The following TFAP2D variants were observed in gnomAD, a reference collection of about 807,000 sequenced individuals.
TFAP2D encodes the protein transcription factor AP-2 delta, also known as transcription factor AP-2-delta.
TFAP2D carries 9 observed loss-of-function variants against 43.6 expected under a neutral mutation model. That is an observed-to-expected ratio of 0.21 (90% CI 0.12 to 0.36). TFAP2D has a LOEUF of 0.36. Among genes scored for constraint, TFAP2D ranks in the 10% least tolerant of loss-of-function variants. The pLI is 1.00. For synonymous variants in TFAP2D, 256 were observed against 224.9 expected, an observed-to-expected ratio of 1.14 and a Z score of -1.24; for missense variants, 513 against 561.4, an observed-to-expected ratio of 0.91 and a Z score of 0.87.
chr6:50,767,944 T>C (rs944610249), intron 7 of TFAP2D, among the ~76,000 whole-genome samples: 2 of 152,206 alleles, frequency 1.3e-5, no homozygotes, highest in Non-Finnish European at 2.9e-5. Flanking sequence ...CAGGGCCTCA[T>C]TGAGGATAGA....
chr6:50,768,870 A>G lies in TFAP2D; in HGVS notation c.1140-3775A>G, dbSNP rs371646918. The stretch of plus-strand genomic sequence containing the variant: ...TTTTTTTTATATTGAATATCCTTCA[A>G]TTGATTTTAGAGTTCTTTGTTGAAC... On this transcript the variant is annotated intron_variant, in intron 7 of 7. Transcript: ENST00000008391. Among the ~76,000 whole-genome samples, 6 of 148,802 alleles carry G rather than the reference A, an allele frequency of 4.0e-5. No homozygotes were observed. The South Asian group carries it at 8.6e-4, about 21-fold the overall frequency.
intron 2 of TFAP2D, among the ~76,000 whole-genome samples, chr6:50,716,376 A>G (rs1768628243): frequency 6.6e-6 from 1 of 152,146 alleles, no homozygotes; most frequent in African/African-American, 2.4e-5. Flanking sequence ...TTTTACGTAA[A>G]ATGCACCTCC....
intron 5 of TFAP2D, among the ~76,000 whole-genome samples, chr6:50,730,985 T>C (rs1451098232): frequency 1.3e-5 from 2 of 152,110 alleles, no homozygotes; most frequent in South Asian, 2.1e-4. Context: ...TACTGGTCAG[T>C]ACTAACGGAA....
chr6:50,728,125 GTAA>G (rs539356451), intron 3 of TFAP2D, among the ~76,000 whole-genome samples: 3 of 152,102 alleles, frequency 2.0e-5, no homozygotes, highest in Non-Finnish European at 4.4e-5. Flanking sequence ...CTCCCTAATA[GTAA>G]TAATGACAAT....
chr6:50,749,060 C>G (rs562916775), intron 6 of TFAP2D, among the ~76,000 whole-genome samples: 6 of 151,566 alleles, frequency 4.0e-5, no homozygotes, highest in African/African-American at 1.4e-4. Context: ...CTGTAAGTGC[C>G]ATAATGAGAT....
chr6:50,734,072 G>C (rs191984306), intron 5 of TFAP2D, among the ~76,000 whole-genome samples: 1 of 151,440 alleles, frequency 6.6e-6, no homozygotes, highest in Non-Finnish European at 1.5e-5. Context: ...AAAAGAAAGG[G>C]AACCAGTTCC....
Position 50,729,033 on chromosome 6 carries a change from C to T in TFAP2D, c.764+12C>T, listed in dbSNP as rs1768846917. 6.2e-7 allele frequency: 1 copy of T among 1,612,826 alleles called. No individual in the cohort carries two copies. The highest frequency in any genetic ancestry group is 1.1e-5 in the South Asian group (1 of 91,022). The stretch of plus-strand genomic sequence containing the variant: ...GGCATTTTGAGAAGGTAAGACAAAG[C>T]TATATTCTGGCACAGAATTTCTGCT... On this transcript the variant is annotated intron_variant, in intron 4 of 7. Transcript: ENST00000008391.
chr6:50,736,431 C>G (rs1768964030), intron 5 of TFAP2D, among the ~76,000 whole-genome samples: 1 of 152,198 alleles, frequency 6.6e-6, no homozygotes, highest in Admixed American at 6.5e-5. Flanking sequence ...CTAGGAGACT[C>G]TGCTTCAGTA....
intron 7 of TFAP2D, among the ~76,000 whole-genome samples, chr6:50,762,404 A>G (rs1288945227): frequency 2.0e-5 from 3 of 151,952 alleles, no homozygotes; most frequent in Non-Finnish European, 4.4e-5. Flanking sequence ...CACACTACAC[A>G]CACGAGTGCA....
At chr6:50,770,923 A>G (rs968977161) in intron 7 of TFAP2D, among the ~76,000 whole-genome samples, 1 of 152,136 alleles carries the variant, frequency 6.6e-6, no homozygotes, top group African/African-American at 2.4e-5. Flanking sequence ...TGGGCATACT[A>G]TGTGACAAGG....
intron 7 of TFAP2D, among the ~76,000 whole-genome samples, chr6:50,755,865 A>T (rs1425879838): frequency 2.6e-5 from 4 of 151,892 alleles, no homozygotes; most frequent in African/African-American, 9.7e-5. Context: ...GTTAGCATAC[A>T]GCATGTCTTT....
chr6:50,743,218 G>A (rs1376428619), intron 5 of TFAP2D, among the ~76,000 whole-genome samples: 1 of 152,100 alleles, frequency 6.6e-6, no homozygotes, highest in Non-Finnish European at 1.5e-5. Flanking sequence ...TGTGTGGAGA[G>A]GGGCATGATC....
intron 7 of TFAP2D, among the ~76,000 whole-genome samples, chr6:50,762,165 C>T (rs1237888266): frequency 6.6e-6 from 1 of 152,092 alleles, no homozygotes; most frequent in Non-Finnish European, 1.5e-5. Flanking sequence ...TATTCTACCT[C>T]TTCTCTTTCA....
At chr6:50,748,184 G>A (rs564688276) in intron 6 of TFAP2D, among the ~76,000 whole-genome samples, 1 of 151,824 alleles carries the variant, frequency 6.6e-6, no homozygotes, top group Non-Finnish European at 1.5e-5. Flanking sequence ...AGATAAACTA[G>A]GGAATGTGTG....
Position 50,745,235 on chromosome 6 carries a change from A to G in TFAP2D, c.1012A>G (p.Ile338Val). The G allele has an allele frequency of 3.7e-6, 6 of 1,613,530 alleles. No individual in the cohort carries two copies. The East Asian group carries it at 8.9e-5, about 24-fold the overall frequency. ...QKEQTARKKM[I>V]LATKQICKEF... Reference sequence around the variant, plus strand: ...AGAACAGACAGCAAGAAAAAAGATGATCCTGGCGACCAAGTAAGCAGAATG... The same window carrying G: ...AGAACAGACAGCAAGAAAAAAGATGGTCCTGGCGACCAAGTAAGCAGAATG... Residue 338 changes from isoleucine (I) to valine (V), a missense_variant, in exon 6 of 8, where the codon ATC becomes GTC. Ile to Val is a conservative substitution (Grantham distance 29). Transcript: ENST00000008391.
intron 6 of TFAP2D, among the ~76,000 whole-genome samples, chr6:50,747,936 A>G (rs1172884572): frequency 1.3e-5 from 2 of 152,084 alleles, no homozygotes; most frequent in African/African-American, 4.8e-5. Flanking sequence ...CTGTCTGCTC[A>G]TAGCTGCACA....
intron 7 of TFAP2D, among the ~76,000 whole-genome samples, chr6:50,767,040 A>G (rs1769456042): frequency 6.6e-6 from 1 of 152,172 alleles, no homozygotes; most frequent in Admixed American, 6.5e-5. Context: ...TGATTTTTGT[A>G]TCATGCAACT....
chr6:50,756,962 T>C (rs938709129), intron 7 of TFAP2D, among the ~76,000 whole-genome samples: 1 of 151,882 alleles, frequency 6.6e-6, no homozygotes, highest in African/African-American at 2.4e-5. Flanking sequence ...TGTTGGTCTC[T>C]TATGTTCTCA....
intron 5 of TFAP2D, among the ~76,000 whole-genome samples, chr6:50,734,327 C>G (rs1430194930): frequency 6.6e-6 from 1 of 151,984 alleles, no homozygotes; most frequent in Non-Finnish European, 1.5e-5. Flanking sequence ...GGTTACTTAA[C>G]CTAGCTGAGC....
Sources: allele counts gnomAD v4.1 joint callset (sites outside exome capture counted in the v4.1 genomes callset), GRCh38; gene constraint gnomAD v4.1.1; transcripts MANE v1.5; gene names NCBI Gene and HGNC (gene_info 2026-07-23, HGNC 2026-07-21).